The following TGFB2 variants were observed in gnomAD, a reference collection of about 807,000 sequenced individuals.
TGFB2 encodes transforming growth factor beta-2 proprotein.
In TGFB2, 13 loss-of-function variants were observed where a neutral mutation model predicts 42.7. The ratio of observed to expected loss-of-function variants is 0.30; its 90% CI spans 0.20 to 0.48. The LOEUF (loss-of-function observed/expected upper bound fraction) is 0.48. Among genes scored for constraint, TGFB2 ranks in the 20% least tolerant of loss-of-function variants. TGFB2 has a pLI of 0.99. For missense variants in TGFB2, 390 were observed against 517.5 expected, an observed-to-expected ratio of 0.75 and a Z score of 2.39; for synonymous variants, 193 against 193.6, an observed-to-expected ratio of 1.00 and a Z score of 0.03.
intron 2 of TGFB2, among the ~76,000 whole-genome samples, chr1:218,420,345 A>G (rs1212391269): frequency 1.3e-5 from 2 of 152,194 alleles, no homozygotes; most frequent in East Asian, 1.9e-4. Flanking sequence ...CGCCTGGTCT[A>G]TACTGATGTG....
At chr1:218,350,044 G>A (rs1656820146) in intron 1 of TGFB2, among the ~76,000 whole-genome samples, 1 of 152,176 alleles carries the variant, frequency 6.6e-6, no homozygotes, top group South Asian at 2.1e-4. Flanking sequence ...TGGACCTCTA[G>A]TAGTTTAACA....
At chr1:218,351,551 AAAG>A (rs1656867702) in intron 1 of TGFB2, among the ~76,000 whole-genome samples, 1 of 152,152 alleles carries the variant, frequency 6.6e-6, no homozygotes, top group East Asian at 1.9e-4. Flanking sequence ...AAAACCTCTC[AAAG>A]AAGTATACTA....
chr1:218,420,785 G>C (rs1659430208), intron 2 of TGFB2, among the ~76,000 whole-genome samples: 1 of 152,180 alleles, frequency 6.6e-6, no homozygotes, highest in South Asian at 2.1e-4. Flanking sequence ...ACTCTGTACT[G>C]TAAAGCGAAA....
chr1:218,431,525 A>G (rs1420223922), intron 2 of TGFB2, among the ~76,000 whole-genome samples: 1 of 152,228 alleles, frequency 6.6e-6, no homozygotes. Context: ...TGTATATGTC[A>G]TAGACATTTG....
intron 1 of TGFB2, among the ~76,000 whole-genome samples, chr1:218,379,381 G>A (rs1240852009): frequency 2.6e-5 from 4 of 151,560 alleles, no homozygotes; most frequent in Non-Finnish European, 5.9e-5. Flanking sequence ...TGATCCACCC[G>A]CCTTGGCCTC....
At chr1:218,398,357 T>G (rs888444066) in intron 1 of TGFB2, among the ~76,000 whole-genome samples, 10 of 152,208 alleles carry the variant, frequency 6.6e-5, no homozygotes, top group Non-Finnish European at 1.0e-4. Context: ...AGTTTTGTGG[T>G]GTAACCAATC....
At position 218,390,350 on chromosome 1, in the gene TGFB2, AC is replaced by A. The variant is rs199532273; in HGVS notation, c.347-14818del. On this transcript the variant is annotated intron_variant, in intron 1 of 6. Transcript: ENST00000366930. ...TAAGCTTCCCCAAAGAAAAAAAAAAACAGCTTATTTTTTTCTTAAGAATTCT... is the reference window on the plus strand; with the variant it reads ...TAAGCTTCCCCAAAGAAAAAAAAAAAAGCTTATTTTTTTCTTAAGAATTCT... Among the ~76,000 whole-genome samples, 211 of 151,702 alleles carry A rather than the reference AC, an allele frequency of 1.4e-3. No individual in the cohort carries two copies. The East Asian group carries it at 0.017, about 13-fold the overall frequency.
chr1:218,360,408 C>G (rs181125758), intron 1 of TGFB2, among the ~76,000 whole-genome samples: 64 of 152,234 alleles, frequency 4.2e-4, no homozygotes, highest in African/African-American at 1.5e-3. Flanking sequence ...ACTTGTGTTA[C>G]CCATAGTCCC....
intron 2 of TGFB2, among the ~76,000 whole-genome samples, chr1:218,432,472 CT>C (rs1280689612): frequency 2.6e-5 from 4 of 152,070 alleles, no homozygotes; most frequent in Non-Finnish European, 5.9e-5. Flanking sequence ...CCTTCCTTTT[CT>C]ATATTTACTT....
intron 1 of TGFB2, among the ~76,000 whole-genome samples, chr1:218,358,064 C>CT (rs1178998602): frequency 1.3e-5 from 2 of 152,218 alleles, no homozygotes; most frequent in Non-Finnish European, 2.9e-5. Context: ...TTGCAAATAA[C>CT]TATTCATTCA....
At chr1:218,359,428 T>C (rs1257004503) in intron 1 of TGFB2, among the ~76,000 whole-genome samples, 4 of 152,202 alleles carry the variant, frequency 2.6e-5, no homozygotes, top group Non-Finnish European at 5.9e-5. Flanking sequence ...CTACTAAACT[T>C]ACACTTTTCT....
chr1:218,346,505 C>T lies in TGFB2; in HGVS notation c.-197C>T. ...ATATTTCCACTTTTGGAACTACTGG[C>T]CTTTTCTTTTTAAAGGAATTCAAGC... On this transcript the variant is annotated 5_prime_UTR_variant, in exon 1 of 7. Coordinates refer to ENST00000366930, the MANE Select transcript of TGFB2 (RefSeq NM_003238.6). This position sits in a 1 kb window ranked among gnomAD's most constrained non-coding sequence, Gnocchi z 4.9. 1 of 533,550 alleles carries T rather than the reference C, an allele frequency of 1.9e-6. No homozygotes were observed. Among genetic ancestry groups the T allele is most frequent in the Non-Finnish European group, 3.2e-6 (1 of 310,916 alleles). 33.1% of individuals were successfully genotyped at this position (533,550 alleles called of 1,614,324 possible).
At chr1:218,349,339 AAAAAAAAGG>A (rs1216455374) in intron 1 of TGFB2, among the ~76,000 whole-genome samples, 1 of 143,498 alleles carries the variant, frequency 7.0e-6, no homozygotes, top group Non-Finnish European at 1.5e-5. Context: ...AAACCCTTCC[AAAAAAAAGG>A]AAAAAAAGAA....
At chr1:218,408,564 G>A (rs890287287) in intron 2 of TGFB2, among the ~76,000 whole-genome samples, 2 of 152,068 alleles carry the variant, frequency 1.3e-5, no homozygotes, top group African/African-American at 4.8e-5. Context: ...AACTCCTGAA[G>A]CACAGACAAG....
intron 1 of TGFB2, among the ~76,000 whole-genome samples, chr1:218,384,101 G>A (rs1275533823): frequency 1.4e-5 from 2 of 145,278 alleles, no homozygotes; most frequent in Non-Finnish European, 3.0e-5. Flanking sequence ...TCCTCTTCTA[G>A]AACATCTTGA....
intron 1 of TGFB2, 45 bp from the exon 2 acceptor site, chr1:218,405,124 A>T: frequency 1.3e-6 from 2 of 1,537,298 alleles, no homozygotes; most frequent in Non-Finnish European, 1.8e-6. Flanking sequence ...CTCTGAAAGC[A>T]CAATGGATTT....
intron 6 of TGFB2, 97 bp from the exon 7 acceptor site, chr1:218,441,107 G>T: frequency 8.3e-7 from 1 of 1,207,198 alleles, no homozygotes; most frequent in Non-Finnish European, 1.2e-6. Context: ...CCTACTCAGT[G>T]CTGTGACTGC....
chr1:218,419,509 A>G (rs1485658525), intron 2 of TGFB2, among the ~76,000 whole-genome samples: 1 of 151,932 alleles, frequency 6.6e-6, no homozygotes, highest in African/African-American at 2.4e-5. Flanking sequence ...TATGTTGTTT[A>G]TAATCTTATC....
At chr1:218,350,465 A>G (rs1656836217) in intron 1 of TGFB2, among the ~76,000 whole-genome samples, 1 of 152,228 alleles carries the variant, frequency 6.6e-6, no homozygotes, top group Non-Finnish European at 1.5e-5. Flanking sequence ...CCAACATCAA[A>G]GAATTATCCT....
Sources: allele counts gnomAD v4.1 joint callset (sites outside exome capture counted in the v4.1 genomes callset), GRCh38; gene constraint gnomAD v4.1.1; non-coding constraint Gnocchi (gnomAD v3.1); transcripts MANE v1.5; gene names NCBI Gene and HGNC (gene_info 2026-07-23, HGNC 2026-07-21).